Variants in NPAS3 observed in about 807,000 individuals in gnomAD.
The protein encoded by NPAS3 is neuronal PAS domain-containing protein 3.
NPAS3 carries 14 observed loss-of-function variants against 73.1 expected under a neutral mutation model. The ratio of observed to expected loss-of-function variants is 0.19; its 90% CI spans 0.13 to 0.30. The LOEUF (loss-of-function observed/expected upper bound fraction) is 0.30, where lower values mean the gene tolerates loss of function less well. Ranked by LOEUF, NPAS3 falls within the 10% of genes least tolerant of loss-of-function variation. The pLI is 1.00. For synonymous variants in NPAS3, 620 were observed against 541.5 expected (o/e 1.14, Z -2.01); for missense variants, 1,096 against 1,250.0 (o/e 0.88, Z 1.86).
At chr14:33,199,048 G>A (rs542911103) in intron 2 of NPAS3, among the ~76,000 whole-genome samples, 4 of 152,266 alleles carry the variant, frequency 2.6e-5, no homozygotes, top group Admixed American at 6.5e-5. Flanking sequence ...GGGGCCCGCC[G>A]AGCCCACGCC....
intron 1 of NPAS3, among the ~76,000 whole-genome samples, chr14:33,020,059 G>GA (rs1484813345): frequency 3.3e-5 from 5 of 152,140 alleles, no homozygotes; most frequent in Non-Finnish European, 7.4e-5. Flanking sequence ...TACCTTGACA[G>GA]AAATGTCTTG....
intron 3 of NPAS3, among the ~76,000 whole-genome samples, chr14:33,302,666 C>T (rs947980812): frequency 1.3e-5 from 2 of 152,208 alleles, no homozygotes; most frequent in Admixed American, 6.5e-5. Flanking sequence ...ACTTCCAGAG[C>T]GATGGCTTTA....
chr14:32,967,824 C>G (rs142761311), intron 1 of NPAS3, among the ~76,000 whole-genome samples: 2 of 151,990 alleles, frequency 1.3e-5, no homozygotes, highest in African/African-American at 4.8e-5. Flanking sequence ...TCCAACAATT[C>G]TAGTTCTGGA....
chr14:33,522,373 C>T (rs2053595863), intron 4 of NPAS3, among the ~76,000 whole-genome samples: 2 of 152,070 alleles, frequency 1.3e-5, no homozygotes, highest in African/African-American at 4.8e-5. Flanking sequence ...CGCCACATTG[C>T]AGAGTTCACC....
intron 5 of NPAS3, among the ~76,000 whole-genome samples, chr14:33,627,321 T>A (rs1336437784): frequency 6.6e-6 from 1 of 152,172 alleles, no homozygotes; most frequent in African/African-American, 2.4e-5. Flanking sequence ...TGATACCCTC[T>A]TCAGACACAG....
chr14:33,245,461 C>T (rs1445104501), intron 3 of NPAS3, among the ~76,000 whole-genome samples: 1 of 152,276 alleles, frequency 6.6e-6, no homozygotes, highest in South Asian at 2.1e-4. Flanking sequence ...CTCTTCTCCC[C>T]TCAATCAGAT....
In NPAS3 at chr14:33,223,217, A is replaced by G. The variant is rs370651697; in HGVS notation, c.385+7791A>G. Reference sequence around the variant, plus strand: ...TCCCAGCTACTCCGGAAGCTGAGGCAGGAGAATCGCTTGAACGTGGGAGGC... The same window carrying G: ...TCCCAGCTACTCCGGAAGCTGAGGCGGGAGAATCGCTTGAACGTGGGAGGC... On this transcript the variant is annotated intron_variant, in intron 3 of 11. Transcript: ENST00000356141. Among the ~76,000 whole-genome samples, 224 of 152,302 alleles carry G rather than the reference A, an allele frequency of 1.5e-3. 1 individual carries two copies. Among genetic ancestry groups the G allele is most frequent in the African/African-American group, 5.2e-3 (218 of 41,564 alleles).
intron 2 of NPAS3, among the ~76,000 whole-genome samples, chr14:33,081,965 A>G (rs1022819510): frequency 6.6e-6 from 1 of 152,236 alleles, no homozygotes; most frequent in African/African-American, 2.4e-5. Context: ...CAAACGTGCA[A>G]TGATTTCTCT....
chr14:33,542,076 A>G (rs1435099786), intron 4 of NPAS3, among the ~76,000 whole-genome samples: 1 of 152,226 alleles, frequency 6.6e-6, no homozygotes, highest in Non-Finnish European at 1.5e-5. Flanking sequence ...TGAAGTTAGT[A>G]TGAATGTATA....
intron 3 of NPAS3, among the ~76,000 whole-genome samples, chr14:33,273,454 G>T (rs2041189378): frequency 6.6e-6 from 1 of 151,992 alleles, no homozygotes; most frequent in South Asian, 2.1e-4. Context: ...AATTTCAGAG[G>T]CCCCATTTTC....
intron 4 of NPAS3, among the ~76,000 whole-genome samples, chr14:33,441,069 T>A (rs2139274419): frequency 1.3e-5 from 2 of 152,348 alleles, no homozygotes; most frequent in South Asian, 4.1e-4. Flanking sequence ...TGGACTTGCA[T>A]AAGTCCACTT....
rs1446195422 is a variant in NPAS3, at chr14:33,800,588, G to A, written c.2281G>A (p.Gly761Arg). 3.1e-6 allele frequency: 4 copies of A among 1,302,018 alleles called. No individual in the cohort carries two copies. Among genetic ancestry groups the A allele is most frequent in the African/African-American group, 3.1e-5 (2 of 64,086 alleles). 80.7% of individuals were successfully genotyped at this position (1,302,018 alleles called of 1,614,324 possible). Residue 761 changes from glycine (G) to arginine (R), a missense_variant, in exon 12 of 12, where the codon GGG becomes AGG. Transcript: ENST00000356141. The surrounding 1 kb of genome is among the most constrained non-coding windows in gnomAD (Gnocchi z 6.5). ...GGCGTCCCCGCGGGACAAGCACCCC[G>A]GGAACGGCGGCGGGGGCGGGGGCGG...
At chr14:33,021,480 T>C (rs981775130) in intron 1 of NPAS3, among the ~76,000 whole-genome samples, 3 of 152,186 alleles carry the variant, frequency 2.0e-5, no homozygotes, top group Admixed American at 2.0e-4. Context: ...TCACAAATTA[T>C]GGCCCAAGGG....
chr14:33,704,273 T>C (rs1304408508), intron 6 of NPAS3, among the ~76,000 whole-genome samples: 5 of 152,224 alleles, frequency 3.3e-5, no homozygotes, highest in Admixed American at 2.0e-4. Flanking sequence ...TGTGTACATA[T>C]AATTTTTATC....
chr14:33,168,094 A>G (rs1566632198), intron 2 of NPAS3, among the ~76,000 whole-genome samples: 1 of 152,060 alleles, frequency 6.6e-6, no homozygotes, highest in Non-Finnish European at 1.5e-5. Flanking sequence ...GGGCTCTCTG[A>G]GCATTTGGGA....
chr14:33,526,763 A>C lies in NPAS3; in HGVS notation c.469-33358A>C, dbSNP rs370255343. ...AGTCAGGTCAGAATTTAGCCTCGGC[A>C]GAGCCAGGCAAATTGTTCAGGATGA... On this transcript the variant is annotated intron_variant, in intron 4 of 11. Coordinates refer to ENST00000356141, the Ensembl canonical transcript of NPAS3. 3.3e-5 allele frequency among the ~76,000 whole-genome samples: 5 copies of C among 152,276 alleles called. No individual in the cohort carries two copies. In the South Asian group the frequency reaches 6.2e-4, roughly 19 times the overall value.
At chr14:33,500,408 C>T (rs1463659589) in intron 4 of NPAS3, among the ~76,000 whole-genome samples, 1 of 151,784 alleles carries the variant, frequency 6.6e-6, no homozygotes, top group African/African-American at 2.4e-5. Context: ...GTCCCTTAGC[C>T]TGATTTCCCA....
At chr14:32,965,637 A>C (rs994170209) in intron 1 of NPAS3, among the ~76,000 whole-genome samples, 2 of 152,194 alleles carry the variant, frequency 1.3e-5, no homozygotes, top group Non-Finnish European at 2.9e-5. Flanking sequence ...CTTTCTCTCT[A>C]AAAATCTGGA....
chr14:33,416,422 TC>T lies in NPAS3; in HGVS notation c.468+49155del, dbSNP rs548674743. Among the ~76,000 whole-genome samples, 176 of 152,200 alleles carry T rather than the reference TC, an allele frequency of 1.2e-3. 1 individual carries two copies. The highest frequency in any genetic ancestry group is 4.1e-3 in the African/African-American group (172 of 41,572). The stretch of plus-strand genomic sequence containing the variant: ...GATAACACTACTTCCATAACGTGTT[TC>T]TGGTAAGGGGTTTCTTTTTTTTTCT... On this transcript the variant is annotated intron_variant, in intron 4 of 11. Transcript: ENST00000356141.
Sources: gnomAD v4.1 joint callset for allele counts (sites outside exome capture counted in the v4.1 genomes callset) on GRCh38, gnomAD v4.1.1 for gene constraint, Gnocchi (gnomAD v3.1) non-coding constraint, MANE v1.5 for transcripts, NCBI Gene and HGNC (gene_info 2026-07-23, HGNC 2026-07-21) for gene names.